Variants in INTU observed in about 807,000 individuals in gnomAD.
The protein encoded by INTU is inturned planar cell polarity protein.
INTU carries 68 observed loss-of-function variants against 100.5 expected under a neutral mutation model. That is an observed-to-expected ratio of 0.68 (90% confidence interval 0.56 to 0.83). The LOEUF (loss-of-function observed/expected upper bound fraction) is 0.83. INTU is among the 40% of genes least tolerant of loss of function. INTU has a pLI of 0.00. For synonymous variants in INTU, 357 were observed against 395.7 expected (o/e 0.90, Z 1.16); for missense variants, 1,071 against 1,114.7 (o/e 0.96, Z 0.56).
At chr4:127,714,743 C>T (rs1252172114) in intron 15 of INTU, among the ~76,000 whole-genome samples, 4 of 152,094 alleles carry the variant, frequency 2.6e-5, no homozygotes, top group African/African-American at 9.7e-5. Context: ...ACCCCCCACC[C>T]TCATTACAAT....
intron 8 of INTU, among the ~76,000 whole-genome samples, chr4:127,696,810 A>G (rs1730412197): frequency 6.6e-6 from 1 of 152,138 alleles, no homozygotes. Flanking sequence ...TAATATATGC[A>G]TTTAATGCTA....
Position 127,696,639 on chromosome 4 carries a change from C to T in INTU, c.1450-3371C>T, listed in dbSNP as rs529696788. Among the ~76,000 whole-genome samples the T allele has an allele frequency of 4.1e-4, 62 of 151,398 alleles. 1 individual carries two copies. The highest frequency in any genetic ancestry group is 1.4e-3 in the African/African-American group (57 of 41,228). ...TTTTCAAGGAAACAGCTTTTGGTTT[C>T]ATCGATTTTTCTCTACGGCTTTCCT... On this transcript the variant is annotated intron_variant, in intron 8 of 15. Transcript: ENST00000335251.
rs1042720693 is a variant in INTU at position 127,722,456 on chromosome 4, G to A, written c.*6020G>A. 1 of 152,360 alleles carries A rather than the reference G, an allele frequency of 6.6e-6. No homozygotes were observed. Among genetic ancestry groups the A allele is most frequent in the African/African-American group, 2.4e-5 (1 of 41,462 alleles). The allele number at this position is 152,360 out of a possible 1,614,324, so 9.4% of individuals were successfully genotyped here. On this transcript the variant is annotated 3_prime_UTR_variant, in exon 16 of 16. Transcript: ENST00000335251. ...GGTCAGAGAACCACTTAAATAAGCA[G>A]TCTGTCTGCCCCTTGACAGGGTGGG...
At chr4:127,698,676 A>G (rs2148724126) in intron 8 of INTU, among the ~76,000 whole-genome samples, 1 of 152,186 alleles carries the variant, frequency 6.6e-6, no homozygotes, top group South Asian at 2.1e-4. Flanking sequence ...TTCTTTTTTC[A>G]ATCATATTTT....
At chr4:127,714,115 T>G in intron 15 of INTU, 22 bp downstream of exon 15, 1 of 1,591,518 alleles carries the variant, frequency 6.3e-7, no homozygotes, top group Non-Finnish European at 8.5e-7. Context: ...AAAAAAGTAT[T>G]TGAAAGTAAA....
At chr4:127,703,181 TG>T (rs1457617854) in intron 9 of INTU, among the ~76,000 whole-genome samples, 2 of 152,246 alleles carry the variant, frequency 1.3e-5, no homozygotes, top group Non-Finnish European at 2.9e-5. Context: ...TTAATATTGC[TG>T]AATAGTAGTA....
chr4:127,647,340 C>A (rs1479531700), intron 2 of INTU, among the ~76,000 whole-genome samples: 1 of 152,164 alleles, frequency 6.6e-6, no homozygotes, highest in African/African-American at 2.4e-5. Flanking sequence ...TTTGGAGGCT[C>A]CAGGGAAGAA....
At position 127,717,504 on chromosome 4, in the gene INTU, A is replaced by C. The variant is rs1048678218; in HGVS notation, c.*1068A>C. ...TTTATATTACTTTGAGTATAAACCC[A>C]GTAATGGGATTGCTGGGTCAAATGG... On this transcript the variant is annotated 3_prime_UTR_variant, in exon 16 of 16. Coordinates refer to ENST00000335251, the MANE Select transcript of INTU (RefSeq NM_015693.4). The C allele has an allele frequency of 6.6e-6, 1 of 152,246 alleles. No homozygotes were observed. Among genetic ancestry groups the C allele is most frequent in the Non-Finnish European group, 1.5e-5 (1 of 68,052 alleles). 9.4% of individuals were successfully genotyped at this position (152,246 alleles called of 1,614,324 possible).
intron 3 of INTU, among the ~76,000 whole-genome samples, chr4:127,660,884 A>G (rs148525516): frequency 2.4e-3 from 372 of 152,272 alleles, no homozygotes; most frequent in African/African-American, 8.6e-3. Context: ...TCCCTATAAA[A>G]CATATAATAT....
intron 5 of INTU, 67 bp downstream of exon 5, chr4:127,669,221 C>A: frequency 4.2e-6 from 3 of 709,526 alleles, no homozygotes; most frequent in African/African-American, 1.8e-5. Flanking sequence ...TGACAAAATG[C>A]TAAAACAAGT....
intron 4 of INTU, among the ~76,000 whole-genome samples, chr4:127,668,706 A>C (rs1006364606): frequency 6.6e-6 from 1 of 151,760 alleles, no homozygotes; most frequent in Non-Finnish European, 1.5e-5. Context: ...ATAATAAAAT[A>C]TTAGTATTAT....
rs1288392621 is a variant in INTU, at chr4:127,717,616, G to C, written c.*1180G>C. The C allele has an allele frequency of 1.3e-5, 2 of 152,124 alleles. No individual in the cohort carries two copies. Among genetic ancestry groups the C allele is most frequent in the Admixed American group, 6.5e-5 (1 of 15,278 alleles). 9.4% of individuals were successfully genotyped at this position (152,124 alleles called of 1,614,324 possible). On this transcript the variant is annotated 3_prime_UTR_variant, in exon 16 of 16. Transcript: ENST00000335251. ...TCACATTCCCACCAACAGTGTAAAA[G>C]CGTTCCTATTTCCTCACAGCCTCGC...
intron 4 of INTU, among the ~76,000 whole-genome samples, chr4:127,666,560 C>T (rs554903869): frequency 1.6e-4 from 25 of 152,254 alleles, no homozygotes; most frequent in African/African-American, 4.8e-4. Flanking sequence ...TGGAAGCTGT[C>T]GTGGGAATCA....
intron 8 of INTU, among the ~76,000 whole-genome samples, chr4:127,691,595 AT>A (rs926460639): frequency 2.7e-5 from 4 of 150,796 alleles, no homozygotes; most frequent in Non-Finnish European, 5.9e-5. Context: ...CCTTTGGCCC[AT>A]TTTTTTTTAA....
At position 127,643,837 on chromosome 4, in the gene INTU, C is replaced by A. The variant is rs775941821; in HGVS notation, c.463C>A (p.Gln155Lys). ...QSNQKTGVIV[Q>K]QRYKDVNVYV... ...CAATCAGAAGACAGGAGTCATTGTC[C>A]AACAGCGATACAAAGATGTGAATGT... The change falls in exon 2 of 16, where the codon CAA (glutamine) becomes AAA (lysine). Residue 155 changes from glutamine (Q) to lysine (K), a missense_variant. By Grantham distance (53) the Gln-to-Lys change is moderately conservative. Transcript: ENST00000335251. The A allele has an allele frequency of 1.2e-6, 2 of 1,613,850 alleles. No individual in the cohort carries two copies. The highest frequency in any genetic ancestry group is 1.7e-6 in the Non-Finnish European group (2 of 1,179,972).
rs1394741508 is a variant in INTU at position 127,725,413 on chromosome 4, T to C, written c.*8977T>C. ...TTAGGACTGCTTATTTACATATATA[T>C]GTATTAAGACACTTTGGTTAAAACA... On this transcript the variant is annotated 3_prime_UTR_variant, in exon 16 of 16. Transcript: ENST00000335251. The C allele has an allele frequency of 6.6e-6, 1 of 152,242 alleles. No individual in the cohort carries two copies. The highest frequency in any genetic ancestry group is 1.9e-4 in the East Asian group (1 of 5,204). 9.4% of individuals were successfully genotyped at this position (152,242 alleles called of 1,614,324 possible). A position where few individuals can be genotyped will look rare whatever the true frequency, so the allele number is the denominator to read the frequency against.
intron 8 of INTU, among the ~76,000 whole-genome samples, chr4:127,695,782 G>A (rs1257821802): frequency 1.3e-5 from 2 of 152,050 alleles, no homozygotes; most frequent in Admixed American, 6.6e-5. Context: ...TCTGATCTTA[G>A]GAAATATCTC....
intron 7 of INTU, chr4:127,686,885 A>C (rs901075560): frequency 6.6e-6 from 1 of 152,342 alleles, no homozygotes; most frequent in East Asian, 1.9e-4. Flanking sequence ...GCAAATAATT[A>C]TTTTGATATG....
At chr4:127,649,978 T>C (rs1727764183) in intron 2 of INTU, among the ~76,000 whole-genome samples, 1 of 152,190 alleles carries the variant, frequency 6.6e-6, no homozygotes, top group Non-Finnish European at 1.5e-5. Context: ...ATTTCCATTT[T>C]AACACTGATA....
Sources: gnomAD v4.1 joint callset for allele counts (sites outside exome capture counted in the v4.1 genomes callset) on GRCh38, gnomAD v4.1.1 for gene constraint, MANE v1.5 for transcripts, NCBI Gene and HGNC (gene_info 2026-07-23, HGNC 2026-07-21) for gene names.